Variants in EBF2 observed in about 807,000 individuals in gnomAD.
The protein encoded by EBF2 is transcription factor COE2.
In EBF2, 21 loss-of-function variants were observed where a neutral mutation model predicts 72.8. The observed-to-expected ratio is 0.29, with a 90% confidence interval of 0.20 to 0.42. The LOEUF (loss-of-function observed/expected upper bound fraction) is 0.42. Ranked by LOEUF, EBF2 falls within the 10% of genes least tolerant of loss-of-function variation. The pLI is 1.00. For synonymous variants in EBF2, 299 were observed against 274.2 expected, an observed-to-expected ratio of 1.09 and a Z score of -0.89; for missense variants, 637 against 731.2, an observed-to-expected ratio of 0.87 and a Z score of 1.49.
intron 6 of EBF2, among the ~76,000 whole-genome samples, chr8:26,007,387 C>G (rs946622218): frequency 1.3e-5 from 2 of 152,112 alleles, no homozygotes; most frequent in South Asian, 4.1e-4. Flanking sequence ...CACTGGGAAA[C>G]TAGAGATGCA....
At chr8:25,898,356 G>A (rs1802891244) in intron 7 of EBF2, among the ~76,000 whole-genome samples, 1 of 151,908 alleles carries the variant, frequency 6.6e-6, no homozygotes, top group African/African-American at 2.4e-5. Flanking sequence ...ATGCCCAAGA[G>A]CTCTCCGTTG....
At chr8:25,928,316 A>G (rs1387858296) in intron 6 of EBF2, among the ~76,000 whole-genome samples, 1 of 152,194 alleles carries the variant, frequency 6.6e-6, no homozygotes, top group Admixed American at 6.5e-5. Flanking sequence ...TCATAAACTT[A>G]AGGCTTATCT....
intron 6 of EBF2, among the ~76,000 whole-genome samples, chr8:25,980,543 G>T (rs1271807264): frequency 6.6e-6 from 1 of 152,102 alleles, no homozygotes; most frequent in Non-Finnish European, 1.5e-5. Context: ...TCATAAGGGG[G>T]ATCAGCATTC....
intron 6 of EBF2, among the ~76,000 whole-genome samples, chr8:25,920,638 G>C (rs1026098492): frequency 6.6e-6 from 1 of 152,176 alleles, no homozygotes; most frequent in Non-Finnish European, 1.5e-5. Flanking sequence ...GAGGGAGAAA[G>C]AAATTTGGTG....
At chr8:26,023,757 A>G (rs538264245) in intron 6 of EBF2, among the ~76,000 whole-genome samples, 43 of 152,306 alleles carry the variant, frequency 2.8e-4, no homozygotes, top group African/African-American at 9.9e-4. Flanking sequence ...GGCAACATCA[A>G]CAAAAGCTTT....
At chr8:26,025,432 T>G (rs576968667) in intron 6 of EBF2, among the ~76,000 whole-genome samples, 7 of 152,146 alleles carry the variant, frequency 4.6e-5, no homozygotes, top group Non-Finnish European at 1.5e-5. Context: ...AGCAAGTGAA[T>G]GAATGATGGA....
intron 7 of EBF2, among the ~76,000 whole-genome samples, chr8:25,906,129 G>A (rs1265252323): frequency 6.6e-6 from 1 of 152,158 alleles, no homozygotes; most frequent in Non-Finnish European, 1.5e-5. Flanking sequence ...CTAAACTTTG[G>A]GAGAAAGAAA....
At chr8:25,852,354 G>T (rs973688202) in intron 14 of EBF2, among the ~76,000 whole-genome samples, 1 of 152,020 alleles carries the variant, frequency 6.6e-6, no homozygotes, top group African/African-American at 2.4e-5. Flanking sequence ...TTTTCTCTAC[G>T]GTACAGAATT....
chr8:25,889,883 G>A lies in EBF2; in HGVS notation c.634-14C>T, dbSNP rs752266393. 9.3e-6 allele frequency: 15 copies of A among 1,607,604 alleles called. No homozygotes were observed. The South Asian group carries it at 1.7e-4, about 18-fold the overall frequency. The stretch of plus-strand genomic sequence containing the variant: ...TGACAACACAACCTGCATATTTAAA[G>A]TAAAAAGGAGAAAGGGGGTGCAGTG... On this transcript the variant is annotated splice_polypyrimidine_tract_variant and intron_variant, in intron 7 of 15. Transcript: ENST00000520164.
At chr8:26,041,112 C>T (rs991881798) in intron 2 of EBF2, 110 bp from the exon 3 acceptor site, 185 of 1,248,650 alleles carry the variant, frequency 1.5e-4, no homozygotes, top group Non-Finnish European at 1.7e-5. Context: ...CAAAAGGCAG[C>T]TTTGAGTAAC....
intron 6 of EBF2, among the ~76,000 whole-genome samples, chr8:25,913,908 ATTGT>A (rs1803170578): frequency 6.6e-6 from 1 of 152,214 alleles, no homozygotes; most frequent in African/African-American, 2.4e-5. Context: ...ATTGAGTTTC[ATTGT>A]TTGTGCATGC....
At chr8:25,915,900 A>G (rs1030658393) in intron 6 of EBF2, among the ~76,000 whole-genome samples, 4 of 152,178 alleles carry the variant, frequency 2.6e-5, no homozygotes, top group Admixed American at 1.3e-4. Context: ...TGGGGTGTCC[A>G]TACCAAGCCC....
intron 14 of EBF2, among the ~76,000 whole-genome samples, chr8:25,857,678 G>A (rs1340102789): frequency 6.6e-6 from 1 of 152,162 alleles, no homozygotes; most frequent in Non-Finnish European, 1.5e-5. Flanking sequence ...CAGGGACTTT[G>A]CTGCTAGACC....
intron 15 of EBF2, among the ~76,000 whole-genome samples, chr8:25,849,338 T>C (rs1163077181): frequency 6.6e-6 from 1 of 152,064 alleles, no homozygotes; most frequent in Middle Eastern, 3.2e-3. Flanking sequence ...CTCCCAGAGC[T>C]CTGCTCAGCC....
intron 1 of EBF2, among the ~76,000 whole-genome samples, chr8:26,042,953 G>T (rs1248957265): frequency 6.6e-6 from 1 of 152,186 alleles, no homozygotes; most frequent in African/African-American, 2.4e-5. Flanking sequence ...CACCACAAAT[G>T]AGATGACCGA....
At chr8:25,938,663 C>T (rs577718413) in intron 6 of EBF2, among the ~76,000 whole-genome samples, 5 of 152,084 alleles carry the variant, frequency 3.3e-5, no homozygotes, top group Admixed American at 6.5e-5. Flanking sequence ...GTCCGTCTTC[C>T]GGGCAGTAAG....
At chr8:25,963,345 C>G (rs188715158) in intron 6 of EBF2, among the ~76,000 whole-genome samples, 57 of 152,348 alleles carry the variant, frequency 3.7e-4, no homozygotes, top group African/African-American at 1.3e-3. Flanking sequence ...TGTACCTGCC[C>G]TCTTCTTTAA....
intron 6 of EBF2, among the ~76,000 whole-genome samples, chr8:25,974,198 G>T (rs1351038793): frequency 6.6e-6 from 1 of 152,300 alleles, no homozygotes; most frequent in South Asian, 2.1e-4. Flanking sequence ...CCAAGGGGAA[G>T]TGGCACAGGT....
At chr8:25,950,707 G>A (rs1803846507) in intron 6 of EBF2, among the ~76,000 whole-genome samples, 1 of 152,164 alleles carries the variant, frequency 6.6e-6, no homozygotes, top group Admixed American at 6.5e-5. Context: ...TCCCCTAGTT[G>A]TTCTGTCTCA....
Sources: gnomAD v4.1 joint callset for allele counts (sites outside exome capture counted in the v4.1 genomes callset) on GRCh38, gnomAD v4.1.1 for gene constraint, MANE v1.5 for transcripts, NCBI Gene and HGNC (gene_info 2026-07-23, HGNC 2026-07-21) for gene names.